The following DYRK1A variants were observed in gnomAD, a reference collection of about 807,000 sequenced individuals.
The protein encoded by DYRK1A is dual specificity tyrosine phosphorylation regulated kinase 1A.
Under a neutral mutation model 79.7 loss-of-function variants are expected in DYRK1A, and 9 were observed. The ratio of observed to expected loss-of-function variants is 0.11; its 90% CI spans 0.07 to 0.20. The LOEUF is 0.20. DYRK1A is among the 10% of genes least tolerant of loss of function. DYRK1A has a pLI of 1.00. For missense variants in DYRK1A, 622 were observed against 956.0 expected (o/e 0.65, Z 4.61); for synonymous variants, 349 against 329.7 (o/e 1.06, Z -0.63).
chr21:37,442,580 C>A (rs1308829913), intron 2 of DYRK1A, among the ~76,000 whole-genome samples: 1 of 151,846 alleles, frequency 6.6e-6, no homozygotes, highest in Non-Finnish European at 1.5e-5. Flanking sequence ...TCTATTTCAT[C>A]ATCTCCTCCT....
chr21:37,416,412 C>A (rs2050342148), intron 1 of DYRK1A, among the ~76,000 whole-genome samples: 1 of 138,300 alleles, frequency 7.2e-6, no homozygotes, highest in African/African-American at 2.7e-5. Flanking sequence ...CACTTGAAAT[C>A]CTCCTATATA....
intron 8 of DYRK1A, among the ~76,000 whole-genome samples, chr21:37,494,593 G>A (rs553747576): frequency 9.2e-5 from 14 of 151,998 alleles, no homozygotes; most frequent in Non-Finnish European, 1.3e-4. Flanking sequence ...ACTTACGGTT[G>A]CAGTACCCCT....
chr21:37,502,964 A>G (rs764629464), intron 9 of DYRK1A: 1 of 152,166 alleles, frequency 6.6e-6, no homozygotes, highest in Non-Finnish European at 1.5e-5. Flanking sequence ...TCTGGATTAC[A>G]CTGTTTCGGT....
At chr21:37,396,656 T>C (rs1215836701) in intron 1 of DYRK1A, among the ~76,000 whole-genome samples, 2 of 152,184 alleles carry the variant, frequency 1.3e-5, no homozygotes, top group Non-Finnish European at 2.9e-5. Flanking sequence ...CTACCATGTT[T>C]TAAAATTTCC....
Position 37,473,869 on chromosome 21 carries a change from G to A in DYRK1A, c.207+989G>A, listed in dbSNP as rs73400124. Among the ~76,000 whole-genome samples the A allele has an allele frequency of 4.6e-3, 701 of 152,282 alleles. 4 individuals are homozygous for A. Among genetic ancestry groups the A allele is most frequent in the African/African-American group, 0.016 (652 of 41,546 alleles). ...AGTGAATTGATTTCAGTTTAGTTGCGTGTTTGAGAATTGGGACAGTTGTTC... is the reference window on the plus strand; with the variant it reads ...AGTGAATTGATTTCAGTTTAGTTGCATGTTTGAGAATTGGGACAGTTGTTC... On this transcript the variant is annotated intron_variant, in intron 3 of 11. Transcript: ENST00000647188.
chr21:37,455,955 T>C (rs1288995048), intron 2 of DYRK1A, among the ~76,000 whole-genome samples: 1 of 152,164 alleles, frequency 6.6e-6, no homozygotes, highest in Non-Finnish European at 1.5e-5. Flanking sequence ...AGACTCCTTA[T>C]GGTGTTAATT....
intron 2 of DYRK1A, among the ~76,000 whole-genome samples, chr21:37,423,046 T>C (rs2060411135): frequency 6.6e-6 from 1 of 152,166 alleles, no homozygotes; most frequent in Admixed American, 6.6e-5. Flanking sequence ...CCAGGTACTA[T>C]TATAGGTGCT....
At chr21:37,427,622 C>T (rs2050663197) in intron 2 of DYRK1A, among the ~76,000 whole-genome samples, 1 of 151,972 alleles carries the variant, frequency 6.6e-6, no homozygotes, top group African/African-American at 2.4e-5. Flanking sequence ...TATTTATTGC[C>T]TTAGGTTCAA....
rs986477444 is a variant in DYRK1A at position 37,477,030 on chromosome 21, T to C, written c.208-1178T>C. ...AGCACGTAAAATGCTGTAACAATTC[T>C]GTCTTTTCGGACCACATGGATGGTG... On this transcript the variant is annotated intron_variant, in intron 3 of 11. Transcript: ENST00000647188. 2.0e-5 allele frequency among the ~76,000 whole-genome samples: 3 copies of C among 152,346 alleles called. No homozygotes were observed. The East Asian group carries it at 5.8e-4, about 29-fold the overall frequency.
chr21:37,471,671 C>T (rs2052229662), intron 2 of DYRK1A, among the ~76,000 whole-genome samples: 1 of 152,154 alleles, frequency 6.6e-6, no homozygotes, highest in Non-Finnish European at 1.5e-5. Context: ...GCTGGGATCT[C>T]CAACCCCAGC....
At chr21:37,451,631 G>A (rs1471710161) in intron 2 of DYRK1A, among the ~76,000 whole-genome samples, 1 of 150,450 alleles carries the variant, frequency 6.6e-6, no homozygotes, top group East Asian at 2.0e-4. Context: ...CCACCGTCTA[G>A]CGTGGGCGTG....
Position 37,516,720 on chromosome 21 carries a change from T to C in DYRK1A, c.*4189T>C, listed in dbSNP as rs1342058214. 3 of 152,152 alleles carry C rather than the reference T, an allele frequency of 2.0e-5. No individual in the cohort carries two copies. Among genetic ancestry groups the C allele is most frequent in the African/African-American group, 7.2e-5 (3 of 41,452 alleles). 9.4% of individuals were successfully genotyped at this position (152,152 alleles called of 1,614,324 possible). ...GTTTGGCTCTCTTTGGCATTATGCA[T>C]AGCCAAGGTCCCAGATTTTGGCTGC... is the stretch of plus-strand genomic sequence containing the variant. On this transcript the variant is annotated 3_prime_UTR_variant, in exon 12 of 12. Coordinates refer to ENST00000647188, the MANE Select transcript of DYRK1A (RefSeq NM_001347721.2).
chr21:37,450,770 CTTG>C (rs989233333), intron 2 of DYRK1A, among the ~76,000 whole-genome samples: 8 of 152,258 alleles, frequency 5.3e-5, no homozygotes, highest in Middle Eastern at 3.4e-3. Context: ...AAGCCTTTGC[CTTG>C]TTGTTATGAG....
intron 2 of DYRK1A, among the ~76,000 whole-genome samples, chr21:37,430,083 CATT>C (rs767432175): frequency 4.4e-4 from 67 of 152,182 alleles, no homozygotes; most frequent in Non-Finnish European, 8.2e-4. Context: ...ACTTAAACCT[CATT>C]CTTGGCCATC....
chr21:37,373,709 G>C (rs2049479566), intron 1 of DYRK1A, among the ~76,000 whole-genome samples: 1 of 152,184 alleles, frequency 6.6e-6, no homozygotes, highest in African/African-American at 2.4e-5. Context: ...TTGCATACAT[G>C]ATTTTTCTTC....
At position 37,512,177 on chromosome 21, in the gene DYRK1A, G is replaced by C; in HGVS notation, c.1911G>C (p.Met637Ile). 1 of 1,614,140 alleles carries C rather than the reference G, an allele frequency of 6.2e-7. No individual in the cohort carries two copies. ...ATAGCTCCTCTACCCAAGATTCTATGGAGGTTGGCCACAGTCACCACTCCA... is the reference window on the plus strand; with the variant it reads ...ATAGCTCCTCTACCCAAGATTCTATCGAGGTTGGCCACAGTCACCACTCCA... Reference protein sequence around the residue: ...PTNSSSTQDSMEVGHSHHSMT... With the variant: ...PTNSSSTQDSIEVGHSHHSMT... The change falls in exon 12 of 12, where the codon ATG becomes ATC. Residue 637 changes from methionine to isoleucine, a missense_variant. By Grantham distance (10) the Met-to-Ile change is conservative (BLOSUM62 1). Transcript: ENST00000647188.
At chr21:37,474,402 A>G (rs2052328661) in intron 3 of DYRK1A, among the ~76,000 whole-genome samples, 2 of 152,216 alleles carry the variant, frequency 1.3e-5, no homozygotes, top group African/African-American at 2.4e-5. Flanking sequence ...TAAAAAGACT[A>G]TCTTTAAAGT....
intron 2 of DYRK1A, among the ~76,000 whole-genome samples, chr21:37,434,602 C>T (rs768670336): frequency 3.7e-4 from 57 of 152,192 alleles, no homozygotes; most frequent in Non-Finnish European, 7.1e-4. Flanking sequence ...TTTACAGTTA[C>T]ATCTTAACTG....
chr21:37,423,395 C>G (rs2050529659), intron 2 of DYRK1A, among the ~76,000 whole-genome samples: 1 of 152,160 alleles, frequency 6.6e-6, no homozygotes, highest in South Asian at 2.1e-4. Context: ...CTAGCAACCA[C>G]TCTTTGCCCT....
Sources: gnomAD v4.1 joint callset for allele counts (sites outside exome capture counted in the v4.1 genomes callset) on GRCh38, gnomAD v4.1.1 for gene constraint, MANE v1.5 for transcripts, NCBI Gene and HGNC (gene_info 2026-07-23, HGNC 2026-07-21) for gene names.